The following PRRG2 variants were observed in gnomAD, a reference collection of about 807,000 sequenced individuals.
PRRG2 encodes the protein proline rich and Gla domain 2, also known as transmembrane gamma-carboxyglutamic acid protein 2.
A neutral mutation model predicts 27.1 loss-of-function variants in PRRG2; 23 were observed. The ratio of observed to expected loss-of-function variants is 0.85; its 90% CI spans 0.61 to 1.20. PRRG2 has a LOEUF of 1.20. PRRG2 is among the 50% of genes most tolerant of loss of function. PRRG2 has a pLI of 0.00. For synonymous variants in PRRG2, 104 were observed against 103.4 expected, an observed-to-expected ratio of 1.01 and a Z score of -0.03; for missense variants, 276 against 254.8, an observed-to-expected ratio of 1.08 and a Z score of -0.57.
intron 2 of PRRG2, 62 bp from the exon 3 acceptor site, chr19:49,583,480 C>A (rs539673667): frequency 5.9e-5 from 93 of 1,569,548 alleles, no homozygotes; most frequent in Admixed American, 5.5e-4. Context: ...TGCTTTCCAT[C>A]CCCCTATGAC....
chr19:49,583,764 T>C (rs747160752), intron 3 of PRRG2, 47 bp downstream of exon 3: 10 of 1,612,172 alleles, frequency 6.2e-6, no homozygotes, highest in African/African-American at 2.7e-5. Flanking sequence ...CTCTTCTCTA[T>C]ACCTGTGGGG....
Position 49,590,844 on chromosome 19 carries a change from G to T in PRRG2, c.*455G>T. On this transcript the variant is annotated 3_prime_UTR_variant, in exon 7 of 7. Coordinates refer to ENST00000246794, the MANE Select transcript of PRRG2 (RefSeq NM_000951.3). The stretch of plus-strand genomic sequence containing the variant: ...GGTACAGGGGCACTTCGTAACCCAG[G>T]GAAAGGGCGGGGGGCATATTTGCAA... 5.7e-6 allele frequency: 1 copy of T among 176,004 alleles called. No individual in the cohort carries two copies. The highest frequency in any genetic ancestry group is 1.2e-4 in the South Asian group (1 of 8,208). The allele number at this position is 176,004 out of a possible 1,614,324, so 10.9% of individuals were successfully genotyped here. A position where few individuals can be genotyped will look rare whatever the true frequency, so the allele number is the denominator to read the frequency against.
At position 49,590,061 on chromosome 19, in the gene PRRG2, C is replaced by A. The variant is rs1453190851; in HGVS notation, c.590+9C>A. The A allele has an allele frequency of 6.7e-7, 1 of 1,486,514 alleles. No homozygotes were observed. Among genetic ancestry groups the A allele is most frequent in the Non-Finnish European group, 8.9e-7 (1 of 1,123,482 alleles). 92.1% of individuals were successfully genotyped at this position (1,486,514 alleles called of 1,614,324 possible). A position where few individuals can be genotyped will look rare whatever the true frequency, so the allele number is the denominator to read the frequency against. ...CCACCCCCCTACACCAGGTATGGGG[C>A]GTGGCTTCTGCCCGGGGGCGGGGCG... On this transcript the variant is annotated intron_variant, in intron 6 of 6. Coordinates refer to ENST00000246794, the MANE Select transcript of PRRG2 (RefSeq NM_000951.3).
In PRRG2 at chr19:49,590,823, C is replaced by T; in HGVS notation, c.*434C>T. The T allele has an allele frequency of 2.4e-5, 5 of 205,556 alleles. No individual in the cohort carries two copies. Among genetic ancestry groups the T allele is most frequent in the Non-Finnish European group, 3.9e-5 (4 of 101,362 alleles). The allele number at this position is 205,556 out of a possible 1,614,324, so 12.7% of individuals were successfully genotyped here. On this transcript the variant is annotated 3_prime_UTR_variant, in exon 7 of 7. Coordinates refer to ENST00000246794, the MANE Select transcript of PRRG2 (RefSeq NM_000951.3). ...GTCTTCGTGCACTCCCCGTGCGGTA[C>T]AGGGGCACTTCGTAACCCAGGGAAA...
At chr19:49,589,118 GCTGT>G (rs1165993343) in intron 5 of PRRG2, among the ~76,000 whole-genome samples, 4 of 147,014 alleles carry the variant, frequency 2.7e-5, no homozygotes, top group South Asian at 4.4e-4. Context: ...TCTCTACAGG[GCTGT>G]CTTTTTTTTT....
chr19:49,590,116 C>T (rs1040279015), intron 6 of PRRG2, 64 bp downstream of exon 6: 122 of 1,438,606 alleles, frequency 8.5e-5, no homozygotes, highest in Non-Finnish European at 1.0e-4. Flanking sequence ...GAGGAGGAAC[C>T]TGGGCTCAGG....
At position 49,590,374 on chromosome 19, in the gene PRRG2, C is replaced by G. The variant is rs1555739408; in HGVS notation, c.594C>G (p.Leu198=). Reference sequence around the variant, plus strand: ...TAGTGTGCCTTTCCTCTTGCAGCCTCAGGAGGCCTCACTGAAGAGCTGCTT... The same window carrying G: ...TAGTGTGCCTTTCCTCTTGCAGCCTGAGGAGGCCTCACTGAAGAGCTGCTT... ...HDAPPPPYTS[L]RRPH The change falls in exon 7 of 7, where the codon CTC becomes CTG. Residue 198 remains leucine (L), a synonymous_variant. Coordinates refer to ENST00000246794, the MANE Select transcript of PRRG2 (RefSeq NM_000951.3). The G allele has an allele frequency of 6.2e-7, 1 of 1,614,150 alleles. No homozygotes were observed. The highest frequency in any genetic ancestry group is 8.5e-7 in the Non-Finnish European group (1 of 1,180,006).
intron 6 of PRRG2, 97 bp downstream of exon 6, chr19:49,590,149 T>A: frequency 1.5e-6 from 2 of 1,355,572 alleles, no homozygotes; most frequent in Non-Finnish European, 2.0e-6. Flanking sequence ...AATTTGGGCC[T>A]TCTTACCTGG....
chr19:49,583,759 C>T (rs965935467), intron 3 of PRRG2, 42 bp downstream of exon 3: 1 of 1,612,378 alleles, frequency 6.2e-7, no homozygotes, highest in Non-Finnish European at 8.5e-7. Context: ...CCTCTCTCTT[C>T]TCTATACCTG....
At chr19:49,584,703 A>G (rs2080656140) in intron 4 of PRRG2, among the ~76,000 whole-genome samples, 1 of 152,192 alleles carries the variant, frequency 6.6e-6, no homozygotes, top group South Asian at 2.1e-4. Context: ...GCCTCAAGCA[A>G]TCCTTCTGCT....
At chr19:49,585,050 C>T (rs977634796) in intron 4 of PRRG2, among the ~76,000 whole-genome samples, 5 of 152,298 alleles carry the variant, frequency 3.3e-5, no homozygotes, top group Non-Finnish European at 7.4e-5. Flanking sequence ...CATCTTGTTG[C>T]CAGCCTTGTT....
chr19:49,585,147 T>C (rs567080406), intron 4 of PRRG2, among the ~76,000 whole-genome samples: 29 of 152,058 alleles, frequency 1.9e-4, no homozygotes, highest in Admixed American at 1.1e-3. Flanking sequence ...TGATTTCCCC[T>C]CCCCCACAGC....
rs199527450 is a variant in PRRG2 at position 49,590,360 on chromosome 19, T to G, written c.591-11T>G. The G allele has an allele frequency of 2.5e-6, 4 of 1,614,124 alleles. No homozygotes were observed. The highest frequency in any genetic ancestry group is 1.7e-5 in the Admixed American group (1 of 60,016). On this transcript the variant is annotated splice_polypyrimidine_tract_variant and intron_variant, in intron 6 of 6. Coordinates refer to ENST00000246794, the MANE Select transcript of PRRG2 (RefSeq NM_000951.3). Reference sequence around the variant, plus strand: ...GATCTTTGACTCCCTAGTGTGCCTTTCCTCTTGCAGCCTCAGGAGGCCTCA... The same window carrying G: ...GATCTTTGACTCCCTAGTGTGCCTTGCCTCTTGCAGCCTCAGGAGGCCTCA...
chr19:49,590,670 C>T lies in PRRG2; in HGVS notation c.*281C>T, dbSNP rs537563181. 1 of 504,070 alleles carries T rather than the reference C, an allele frequency of 2.0e-6. No individual in the cohort carries two copies. Among genetic ancestry groups the T allele is most frequent in the African/African-American group, 2.0e-5 (1 of 51,220 alleles). 31.2% of individuals were successfully genotyped at this position (504,070 alleles called of 1,614,324 possible). ...GTTCCGCCCCCGTGGTAGGCAGACG[C>T]GCGGGGAAATTCGGACCCAGGAGCC... is the stretch of plus-strand genomic sequence containing the variant. On this transcript the variant is annotated 3_prime_UTR_variant, in exon 7 of 7. Coordinates refer to ENST00000246794, the MANE Select transcript of PRRG2 (RefSeq NM_000951.3).
Position 49,590,040 on chromosome 19 carries a change from C to T in PRRG2, c.578C>T (p.Pro193Leu). The change falls in exon 6 of 7, where the codon CCC becomes CTC. Residue 193 changes from proline to leucine, a missense_variant. Coordinates refer to ENST00000246794, the MANE Select transcript of PRRG2 (RefSeq NM_000951.3). ...AASGVHDAPP[P>L]PYTSLRRPH ...TCTGGGGTACACGACGCACCTCCAC[C>T]CCCCTACACCAGGTATGGGGCGTGG... The T allele has an allele frequency of 6.6e-7, 1 of 1,521,972 alleles. No homozygotes were observed. The highest frequency in any genetic ancestry group is 8.8e-7 in the Non-Finnish European group (1 of 1,140,308). 94.3% of individuals were successfully genotyped at this position (1,521,972 alleles called of 1,614,324 possible).
chr19:49,588,008 C>T (rs2080685050), intron 4 of PRRG2, among the ~76,000 whole-genome samples: 1 of 151,964 alleles, frequency 6.6e-6, no homozygotes, highest in South Asian at 2.1e-4. Flanking sequence ...GTTGCCCTGG[C>T]TGGAGAGCAA....
At chr19:49,590,243 A>G in intron 6 of PRRG2, 128 bp from the exon 7 acceptor site, 2 of 1,488,062 alleles carry the variant, frequency 1.3e-6, no homozygotes, top group South Asian at 1.1e-5. Context: ...GCCGTATAGG[A>G]GGGTGGGGCC....
intron 4 of PRRG2, among the ~76,000 whole-genome samples, chr19:49,584,324 C>G (rs1287187795): frequency 6.6e-6 from 1 of 152,068 alleles, no homozygotes; most frequent in Non-Finnish European, 1.5e-5. Context: ...GCACCCACCA[C>G]CACACCCGGC....
chr19:49,583,296 C>T lies in PRRG2; in HGVS notation c.77C>T (p.Thr26Ile). Reference sequence around the variant, plus strand: ...CTGGATACTTCACCCAGTGAGGAGACAGACCAAGGTGAGTGTTTGGGGGAA... The same window carrying T: ...CTGGATACTTCACCCAGTGAGGAGATAGACCAAGGTGAGTGTTTGGGGGAA... ...TCLDTSPSEE[T>I]DQEVFLGPPE... The change falls in exon 2 of 7, where the codon ACA (threonine) becomes ATA (isoleucine). Residue 26 changes from threonine to isoleucine, a missense_variant. By Grantham distance (89) the Thr-to-Ile change is moderately conservative. Coordinates refer to ENST00000246794, the MANE Select transcript of PRRG2 (RefSeq NM_000951.3). 10 of 1,614,068 alleles carry T rather than the reference C, an allele frequency of 6.2e-6. No homozygotes were observed. The highest frequency in any genetic ancestry group is 8.5e-6 in the Non-Finnish European group (10 of 1,179,924).
Sources: gnomAD v4.1 joint callset for allele counts (sites outside exome capture counted in the v4.1 genomes callset) on GRCh38, gnomAD v4.1.1 for gene constraint, MANE v1.5 for transcripts, NCBI Gene and HGNC (gene_info 2026-07-23, HGNC 2026-07-21) for gene names.